Variants in SDK1 observed in about 807,000 individuals in gnomAD.
SDK1 encodes protein sidekick-1.
Under a neutral mutation model 245.5 loss-of-function variants are expected in SDK1, and 157 were observed. The observed-to-expected ratio is 0.64, with a 90% CI of 0.56 to 0.73. The LOEUF (loss-of-function observed/expected upper bound fraction) is 0.73, where lower values mean the gene tolerates loss of function less well. SDK1 is among the 30% of genes least tolerant of loss of function. SDK1 has a pLI of 0.00. For synonymous variants in SDK1, 1,647 were observed against 1,278.5 expected, an observed-to-expected ratio of 1.29 and a Z score of -6.15; for missense variants, 3,583 against 3,002.3, an observed-to-expected ratio of 1.19 and a Z score of -4.52.
chr7:3,872,509 CT>C (rs34573376), intron 5 of SDK1, among the ~76,000 whole-genome samples: 1 of 150,218 alleles, frequency 6.7e-6, no homozygotes, highest in East Asian at 1.9e-4. Flanking sequence ...TTTTTGTAGC[CT>C]TTTTTCCCAA....
chr7:3,728,071 T>C (rs186039303), intron 4 of SDK1, among the ~76,000 whole-genome samples: 1 of 152,344 alleles, frequency 6.6e-6, no homozygotes, highest in African/African-American at 2.4e-5. Flanking sequence ...GTTTTTCTCA[T>C]GGTTAGACTG....
chr7:3,622,415 A>C (rs2128645577), intron 2 of SDK1, among the ~76,000 whole-genome samples: 1 of 152,322 alleles, frequency 6.6e-6, no homozygotes, highest in East Asian at 1.9e-4. Flanking sequence ...CAGGAGGCAG[A>C]GGTTGCAGTG....
chr7:3,676,120 C>T (rs1174046386), intron 4 of SDK1, among the ~76,000 whole-genome samples: 1 of 152,074 alleles, frequency 6.6e-6, no homozygotes, highest in African/African-American at 2.4e-5. Flanking sequence ...TGCATGCCAT[C>T]ACACCTGGCT....
In SDK1 at chr7:3,962,790, C is replaced by G; in HGVS notation, c.1368C>G (p.Phe456Leu). 6.2e-7 allele frequency: 1 copy of G among 1,613,668 alleles called. No homozygotes were observed. The highest frequency in any genetic ancestry group is 8.5e-7 in the Non-Finnish European group (1 of 1,179,828). ...QKLRPEDSGI[F>L]QCFASNEGGE... is the part of the protein sequence containing the mutation. Reference sequence around the variant, plus strand: ...TGCGTCCAGAGGACTCCGGAATCTTCCAGTGCTTCGCCAGCAATGAAGGAG... The same window carrying G: ...TGCGTCCAGAGGACTCCGGAATCTTGCAGTGCTTCGCCAGCAATGAAGGAG... The change falls in exon 9 of 45, where the codon TTC (phenylalanine) becomes TTG (leucine). Residue 456 changes from phenylalanine to leucine, a missense_variant. Transcript: ENST00000404826.
chr7:3,862,098 A>G (rs1780708010), intron 5 of SDK1, among the ~76,000 whole-genome samples: 1 of 152,210 alleles, frequency 6.6e-6, no homozygotes, highest in Non-Finnish European at 1.5e-5. Context: ...CTGCAGAAAC[A>G]TCTCATTTGA....
intron 1 of SDK1, among the ~76,000 whole-genome samples, chr7:3,508,327 T>TTCTTCTTC (rs368738110): frequency 1.8e-5 from 2 of 108,416 alleles, no homozygotes; most frequent in African/African-American, 1.0e-4. Context: ...CTTCTTCTTC[T>TTCTTCTTC]TTTTTTTTTT....
chr7:3,938,761 C>G (rs1036560750), intron 5 of SDK1, among the ~76,000 whole-genome samples: 1 of 152,100 alleles, frequency 6.6e-6, no homozygotes, highest in Non-Finnish European at 1.5e-5. Context: ...GGTCCAATCA[C>G]GCACCTGTTT....
At position 4,219,442 on chromosome 7, in the gene SDK1, A is replaced by G. The variant is rs185707143; in HGVS notation, c.5540-667A>G. ...ACAATCATAGTGGAAGGCAAAGGAG[A>G]AGCAAAGTCACATCTTACATGGTGG... On this transcript the variant is annotated intron_variant, in intron 38 of 44. Coordinates refer to ENST00000404826, the MANE Select transcript of SDK1 (RefSeq NM_152744.4). 2.9e-3 allele frequency among the ~76,000 whole-genome samples: 445 copies of G among 152,328 alleles called. 4 individuals are homozygous for G. The highest frequency in any genetic ancestry group is 0.01 in the African/African-American group (425 of 41,576).
intron 5 of SDK1, among the ~76,000 whole-genome samples, chr7:3,920,266 A>T (rs1443059811): frequency 6.6e-6 from 1 of 152,142 alleles, no homozygotes; most frequent in African/African-American, 2.4e-5. Context: ...GGGGTGTTTT[A>T]GGAAGATGGC....
intron 35 of SDK1, among the ~76,000 whole-genome samples, chr7:4,189,850 T>A (rs1783090986): frequency 6.6e-6 from 1 of 152,234 alleles, no homozygotes. Context: ...GTTCCTGGTG[T>A]ACATGTGGCT....
intron 1 of SDK1, among the ~76,000 whole-genome samples, chr7:3,549,246 A>T (rs2341578): frequency 6.6e-6 from 1 of 151,996 alleles, no homozygotes; most frequent in Admixed American, 6.6e-5. Flanking sequence ...TCTATGAGTT[A>T]TAGTCTTCCT....
At chr7:3,692,349 A>T (rs989077784) in intron 4 of SDK1, among the ~76,000 whole-genome samples, 2 of 152,062 alleles carry the variant, frequency 1.3e-5, no homozygotes, top group African/African-American at 4.8e-5. Flanking sequence ...TTTAGTGTGT[A>T]TATGTGTGTG....
chr7:3,444,182 C>T (rs796262966), intron 1 of SDK1, among the ~76,000 whole-genome samples: 21 of 152,200 alleles, frequency 1.4e-4, no homozygotes, highest in African/African-American at 5.1e-4. Flanking sequence ...TGTTTGCTAC[C>T]TCCTGAGCCC....
intron 14 of SDK1, 83 bp from the exon 15 acceptor site, chr7:4,010,883 C>T (rs1386821060): frequency 2.8e-6 from 4 of 1,412,876 alleles, no homozygotes; most frequent in East Asian, 4.6e-5. Context: ...TGAGATGTTC[C>T]CTGAGAAAGC....
intron 1 of SDK1, among the ~76,000 whole-genome samples, chr7:3,525,584 C>A (rs1422224985): frequency 6.6e-6 from 1 of 152,054 alleles, no homozygotes; most frequent in Non-Finnish European, 1.5e-5. Flanking sequence ...ATTGCAAAGG[C>A]CTGTACTCTA....
chr7:3,821,710 T>C (rs529321474), intron 5 of SDK1, 127 bp downstream of exon 5: 6 of 944,538 alleles, frequency 6.4e-6, no homozygotes, highest in South Asian at 1.9e-5. Context: ...CGGTTTAATA[T>C]TGATCCAGTG....
chr7:3,436,757 C>G (rs991323706), intron 1 of SDK1, among the ~76,000 whole-genome samples: 2 of 152,052 alleles, frequency 1.3e-5, no homozygotes, highest in Non-Finnish European at 2.9e-5. Context: ...AGAACAGATT[C>G]TTTGTCCTCA....
chr7:4,233,176 C>G, intron 40 of SDK1, 79 bp from the exon 41 acceptor site: 1 of 1,432,544 alleles, frequency 7.0e-7, no homozygotes, highest in East Asian at 2.3e-5. Context: ...CAAGCCGACC[C>G]ACCAGGCAGG....
chr7:3,818,447 G>C (rs929800007), intron 4 of SDK1, among the ~76,000 whole-genome samples: 1 of 152,102 alleles, frequency 6.6e-6, no homozygotes, highest in African/African-American at 2.4e-5. Flanking sequence ...ATTTTAAAAG[G>C]TAGAATCAAA....
Sources: gnomAD v4.1 joint callset for allele counts (sites outside exome capture counted in the v4.1 genomes callset) on GRCh38, gnomAD v4.1.1 for gene constraint, MANE v1.5 for transcripts, NCBI Gene and HGNC (gene_info 2026-07-23, HGNC 2026-07-21) for gene names.